The following MACROD1 variants were observed in gnomAD, a reference collection of about 807,000 sequenced individuals.
MACROD1 encodes the protein mono-ADP ribosylhydrolase 1, also known as ADP-ribose glycohydrolase MACROD1.
MACROD1 carries 31 observed loss-of-function variants against 41.4 expected under a neutral mutation model. That is an observed-to-expected ratio of 0.75 (90% CI 0.56 to 1.01). MACROD1 has a LOEUF of 1.01. MACROD1 is among the 50% of genes least tolerant of loss of function. MACROD1 has a pLI of 0.00. For missense variants in MACROD1, 473 were observed against 460.0 expected (o/e 1.03, Z -0.26); for synonymous variants, 252 against 203.4 (o/e 1.24, Z -2.03).
rs551268756 is a variant in MACROD1, at chr11:64,131,944, G to A, written c.517+19295C>T. On this transcript the variant is annotated intron_variant, in intron 3 of 10. Transcript: ENST00000255681. ...AGGGAAGTGAGTGGCGGGAGGGAGG[G>A]GCGCACTTGACTGAGCATCTGCTAC... Among the ~76,000 whole-genome samples the A allele has an allele frequency of 5.3e-5, 8 of 152,276 alleles. No individual in the cohort carries two copies. The East Asian group carries it at 1.5e-3, about 29-fold the overall frequency.
chr11:64,118,116 C>T (rs747554838), intron 3 of MACROD1: 2 of 1,612,712 alleles, frequency 1.2e-6, no homozygotes, highest in African/African-American at 2.7e-5. Context: ...AATCCGCGGC[C>T]CTGGGCTGCA....
At chr11:64,129,320 C>T (rs889214315) in intron 3 of MACROD1, among the ~76,000 whole-genome samples, 10 of 152,254 alleles carry the variant, frequency 6.6e-5, no homozygotes, top group Admixed American at 5.2e-4. Context: ...CACCTCCATG[C>T]GTACATGATA....
At chr11:64,011,090 GTGTTGGTTGGCA>G (rs1469348110) in intron 4 of MACROD1, among the ~76,000 whole-genome samples, 7 of 147,924 alleles carry the variant, frequency 4.7e-5, no homozygotes, top group Non-Finnish European at 6.0e-5. Context: ...GTTGGCTGGG[GTGTTGGTTGGCA>G]TGTTGGTTGG....
chr11:64,150,068 C>T (rs1239252778), intron 3 of MACROD1, among the ~76,000 whole-genome samples: 2 of 152,232 alleles, frequency 1.3e-5, no homozygotes, highest in Admixed American at 6.5e-5. Context: ...AGGGAATGTG[C>T]GGGCAAGGCA....
chr11:64,095,082 T>C (rs1944553943), intron 3 of MACROD1, among the ~76,000 whole-genome samples: 1 of 152,020 alleles, frequency 6.6e-6, no homozygotes. Flanking sequence ...AAAAGGAAAA[T>C]ATACAATGAG....
intron 3 of MACROD1, among the ~76,000 whole-genome samples, chr11:64,078,977 C>T (rs1277041558): frequency 2.0e-5 from 3 of 151,962 alleles, no homozygotes; most frequent in South Asian, 2.1e-4. Flanking sequence ...CTGTAGACTC[C>T]GACAAGGAAC....
chr11:64,086,032 G>A (rs1944387984), intron 3 of MACROD1, among the ~76,000 whole-genome samples: 1 of 151,778 alleles, frequency 6.6e-6, no homozygotes, highest in South Asian at 2.1e-4. Flanking sequence ...GGTGGAGGTG[G>A]CCACAGCCTG....
chr11:64,131,144 T>C (rs1483781207), intron 3 of MACROD1, among the ~76,000 whole-genome samples: 6 of 152,218 alleles, frequency 3.9e-5, no homozygotes, highest in Non-Finnish European at 8.8e-5. Flanking sequence ...CGGGTCTAAA[T>C]GCTCCCTGTC....
At chr11:64,106,876 A>ATTTAT (rs1164075905) in intron 3 of MACROD1, among the ~76,000 whole-genome samples, 1 of 150,484 alleles carries the variant, frequency 6.6e-6, no homozygotes, top group Non-Finnish European at 1.5e-5. Flanking sequence ...GCTTTCTTTT[A>ATTTAT]TTTATTTTAT....
At chr11:64,072,499 A>G (rs893125840) in intron 3 of MACROD1, among the ~76,000 whole-genome samples, 2 of 152,232 alleles carry the variant, frequency 1.3e-5, no homozygotes, top group Admixed American at 6.5e-5. Context: ...AGTTACGAGC[A>G]TGATGATAAA....
At chr11:64,023,079 C>G (rs1943179263) in intron 3 of MACROD1, among the ~76,000 whole-genome samples, 2 of 152,058 alleles carry the variant, frequency 1.3e-5, no homozygotes, top group African/African-American at 4.8e-5. Context: ...CCAGGCTGGT[C>G]TCAAATTCCT....
chr11:64,013,229 A>G (rs1943038922), intron 4 of MACROD1, among the ~76,000 whole-genome samples: 1 of 152,242 alleles, frequency 6.6e-6, no homozygotes, highest in South Asian at 2.1e-4. Context: ...AGCACATTAG[A>G]AGGAGACAGG....
At chr11:64,088,177 A>G (rs1401121853) in intron 3 of MACROD1, among the ~76,000 whole-genome samples, 3 of 152,196 alleles carry the variant, frequency 2.0e-5, no homozygotes, top group African/African-American at 7.2e-5. Flanking sequence ...CAGGGACCCA[A>G]AGCAGCCAGA....
At chr11:64,032,590 C>T (rs1196917304) in intron 3 of MACROD1, among the ~76,000 whole-genome samples, 1 of 152,120 alleles carries the variant, frequency 6.6e-6, no homozygotes, top group African/African-American at 2.4e-5. Flanking sequence ...TTGGTGAGCT[C>T]AAGGTTGAAC....
chr11:64,150,101 T>C (rs1945552147), intron 3 of MACROD1, among the ~76,000 whole-genome samples: 1 of 152,214 alleles, frequency 6.6e-6, no homozygotes, highest in African/African-American at 2.4e-5. Context: ...TATCCAGCTT[T>C]GCAGTCAACA....
chr11:64,165,393 T>C (rs1330936602), intron 1 of MACROD1, among the ~76,000 whole-genome samples: 1 of 152,240 alleles, frequency 6.6e-6, no homozygotes, highest in Non-Finnish European at 1.5e-5. Flanking sequence ...TGGTAGGTCC[T>C]GCACAATCTC....
intron 3 of MACROD1, chr11:64,116,172 G>A (rs1020128842): frequency 4.7e-5 from 71 of 1,499,186 alleles, no homozygotes; most frequent in Admixed American, 1.9e-4. Context: ...TCCTGGGGTC[G>A]CTGTCGCCGC....
At position 64,049,816 on chromosome 11, in the gene MACROD1, C is replaced by G. The variant is rs1248029460; in HGVS notation, c.518-34535G>C. ...CCACAAGTGAAGTCGTCTCTGCAGA[C>G]TCCCTGCTTGCTAGGGCTGGGGCCT... On this transcript the variant is annotated intron_variant, in intron 3 of 10. Transcript: ENST00000255681. 2.0e-5 allele frequency among the ~76,000 whole-genome samples: 3 copies of G among 152,196 alleles called. No homozygotes were observed. The East Asian group carries it at 5.8e-4, about 29-fold the overall frequency.
intron 3 of MACROD1, among the ~76,000 whole-genome samples, chr11:64,033,130 C>T (rs755966752): frequency 9.9e-5 from 15 of 152,204 alleles, no homozygotes; most frequent in Non-Finnish European, 1.9e-4. Flanking sequence ...CTTGGGGTCA[C>T]GAGGTAATGC....
Sources: allele counts gnomAD v4.1 joint callset (sites outside exome capture counted in the v4.1 genomes callset), GRCh38; gene constraint gnomAD v4.1.1; transcripts MANE v1.5; gene names NCBI Gene and HGNC (gene_info 2026-07-23, HGNC 2026-07-21).